SCN8A: variants seen among roughly 807,000 people sequenced by gnomAD.
The protein encoded by SCN8A is sodium channel protein type 8 subunit alpha.
A neutral mutation model predicts 184.1 loss-of-function variants in SCN8A; 30 were observed. The ratio of observed to expected loss-of-function variants is 0.16; its 90% CI spans 0.12 to 0.22. SCN8A has a LOEUF of 0.22. SCN8A is among the 10% of genes least tolerant of loss of function. SCN8A has a pLI of 1.00. For synonymous variants in SCN8A, 852 were observed against 907.0 expected (o/e 0.94, Z 1.09); for missense variants, 1,057 against 2,498.9 (o/e 0.42, Z 12.30).
At chr12:51,670,914 C>T (rs992486721) in intron 2 of SCN8A, among the ~76,000 whole-genome samples, 2 of 152,112 alleles carry the variant, frequency 1.3e-5, no homozygotes, top group African/African-American at 2.4e-5. Context: ...AACAGACAAG[C>T]CATATACATT....
Position 51,679,721 on chromosome 12 carries a change from CT to C in SCN8A, c.277-4431del, listed in dbSNP as rs34564079. ...TGTGTTTGTCCAAAGACTATCTTGCCTTTTTTTTTTTTTTTTTTTTTTGAGA... is the reference window on the plus strand; with the variant it reads ...TGTGTTTGTCCAAAGACTATCTTGCCTTTTTTTTTTTTTTTTTTTTTGAGA... On this transcript the variant is annotated intron_variant, in intron 2 of 26. Transcript: ENST00000627620. 6.8e-3 allele frequency among the ~76,000 whole-genome samples: 583 copies of C among 85,458 alleles called. 3 individuals are homozygous for C. The highest frequency in any genetic ancestry group is 0.024 in the African/African-American group (527 of 22,036). 56.1% of individuals were successfully genotyped at this position (85,458 alleles called of 152,430 possible). A position where few individuals can be genotyped will look rare whatever the true frequency, so the allele number is the denominator to read the frequency against.
chr12:51,775,724 G>T (rs142899773), intron 20 of SCN8A, among the ~76,000 whole-genome samples: 15 of 152,312 alleles, frequency 9.8e-5, no homozygotes, highest in South Asian at 2.1e-4. Flanking sequence ...TGGAGAAAGG[G>T]CAAGTGCCAT....
chr12:51,626,866 T>A (rs36010711), intron 1 of SCN8A, among the ~76,000 whole-genome samples: 3,698 of 150,900 alleles, frequency 0.025, 77 homozygotes, highest in Non-Finnish European at 0.035. Flanking sequence ...ATTTATTTAT[T>A]TAGATTTTTT....
chr12:51,634,856 G>A (rs1349679324), intron 1 of SCN8A, among the ~76,000 whole-genome samples: 2 of 151,360 alleles, frequency 1.3e-5, no homozygotes, highest in South Asian at 2.1e-4. Flanking sequence ...CACCATGTTG[G>A]CCAGGCTGAT....
intron 1 of SCN8A, among the ~76,000 whole-genome samples, chr12:51,623,355 A>G (rs925907294): frequency 5.3e-5 from 8 of 152,054 alleles, no homozygotes; most frequent in African/African-American, 1.9e-4. Flanking sequence ...TTTGACTCCA[A>G]CTCAGTACTG....
At chr12:51,622,210 C>T (rs1196617353) in intron 1 of SCN8A, among the ~76,000 whole-genome samples, 1 of 152,182 alleles carries the variant, frequency 6.6e-6, no homozygotes, top group Non-Finnish European at 1.5e-5. Flanking sequence ...AAGGGGAATA[C>T]GGAGAATTCC....
At chr12:51,774,096 GC>G in intron 19 of SCN8A, 92 bp from the exon 20 acceptor site, 2 of 1,118,354 alleles carry the variant, frequency 1.8e-6, no homozygotes, top group Non-Finnish European at 2.6e-6. Context: ...TGACAGGCCA[GC>G]CCATGTGGGA....
chr12:51,797,454 C>T (rs1398668106), intron 26 of SCN8A, among the ~76,000 whole-genome samples: 2 of 152,172 alleles, frequency 1.3e-5, no homozygotes, highest in African/African-American at 2.4e-5. Context: ...CAACTGGTCA[C>T]GTGGTCGTAG....
chr12:51,780,866 C>A, intron 21 of SCN8A, 95 bp downstream of exon 21: 1 of 1,323,002 alleles, frequency 7.6e-7, no homozygotes. Context: ...CATTCAAACA[C>A]GAATTCTGTG....
intron 5 of SCN8A, chr12:51,688,768 G>T (rs1253906842): frequency 6.2e-7 from 1 of 1,613,442 alleles, no homozygotes; most frequent in Non-Finnish European, 8.5e-7. Context: ...GTATATAACA[G>T]AGTTTGTAAA....
At chr12:51,677,061 A>G (rs937509816) in intron 2 of SCN8A, among the ~76,000 whole-genome samples, 16 of 90,218 alleles carry the variant, frequency 1.8e-4, no homozygotes, top group African/African-American at 7.8e-4. Context: ...GTTTTGTTTT[A>G]TTTTATTTTA....
chr12:51,633,511 C>T (rs969166361), intron 1 of SCN8A, among the ~76,000 whole-genome samples: 2 of 152,196 alleles, frequency 1.3e-5, no homozygotes, highest in African/African-American at 4.8e-5. Flanking sequence ...GAAATTCCTC[C>T]CACCAATTCT....
In SCN8A at chr12:51,772,781, C is replaced by G. The variant is rs576419610; in HGVS notation, c.3646-1408C>G. ...GAATCACGAAGTCAGGAGATTGAGA[C>G]CATCCTGGCTAACACGGTGAAACCC... On this transcript the variant is annotated intron_variant, in intron 19 of 26. Coordinates refer to ENST00000627620, the MANE Select transcript of SCN8A (RefSeq NM_001330260.2). Among the ~76,000 whole-genome samples, 22 of 148,738 alleles carry G rather than the reference C, an allele frequency of 1.5e-4. No individual in the cohort carries two copies. In the South Asian group the frequency reaches 1.9e-3, roughly 13 times the overall value.
intron 8 of SCN8A, among the ~76,000 whole-genome samples, chr12:51,701,586 G>A (rs6580842): frequency 0.44 from 66,373 of 151,982 alleles, 16,307 homozygotes; most frequent in East Asian, 0.72. Flanking sequence ...ACAGCATAGA[G>A]GAGGAAAAAG....
At chr12:51,695,340 C>G (rs1209402795) in intron 6 of SCN8A, among the ~76,000 whole-genome samples, 2 of 152,170 alleles carry the variant, frequency 1.3e-5, no homozygotes, top group African/African-American at 4.8e-5. Context: ...GAAAAAGTGT[C>G]TTTTTAGCTT....
In SCN8A at chr12:51,751,300, C is replaced by T. The variant is rs1411508945; in HGVS notation, c.2132-55C>T. The T allele has an allele frequency of 7.8e-6, 9 of 1,149,756 alleles. No individual in the cohort carries two copies. The African/African-American group carries it at 1.1e-4, about 14-fold the overall frequency. 71.2% of individuals were successfully genotyped at this position (1,149,756 alleles called of 1,614,324 possible). A position where few individuals can be genotyped will look rare whatever the true frequency, so the allele number is the denominator to read the frequency against. ...TAATGACTGAGAGTGAGTAGTGTGT[C>T]CCCCTGGTTTTCTTGCTGTGATTGA... On this transcript the variant is annotated intron_variant, in intron 13 of 26. Coordinates refer to ENST00000627620, the MANE Select transcript of SCN8A (RefSeq NM_001330260.2).
chr12:51,780,392 T>G, intron 20 of SCN8A: 1 of 362,146 alleles, frequency 2.8e-6, no homozygotes, highest in Non-Finnish European at 5.1e-6. Flanking sequence ...CCTTCTCGAT[T>G]TTCTCTTCCC....
At chr12:51,754,540 G>T (rs1942645232) in intron 14 of SCN8A, among the ~76,000 whole-genome samples, 1 of 152,110 alleles carries the variant, frequency 6.6e-6, no homozygotes, top group South Asian at 2.1e-4. Flanking sequence ...AGCCCTGATT[G>T]TGAGTTAAGT....
At chr12:51,595,021 A>C (rs1939313986) in intron 1 of SCN8A, among the ~76,000 whole-genome samples, 2 of 152,226 alleles carry the variant, frequency 1.3e-5, no homozygotes, top group African/African-American at 4.8e-5. Flanking sequence ...TCACTCGTAA[A>C]GTCTGTTTGT....
Sources: allele counts gnomAD v4.1 joint callset (sites outside exome capture counted in the v4.1 genomes callset), GRCh38; gene constraint gnomAD v4.1.1; transcripts MANE v1.5; gene names NCBI Gene and HGNC (gene_info 2026-07-23, HGNC 2026-07-21).